PHACTR2: variants seen among roughly 807,000 people sequenced by gnomAD.
PHACTR2 encodes the protein chromosome 6 open reading frame 56.
Under a neutral mutation model 76.0 loss-of-function variants are expected in PHACTR2, and 30 were observed. The ratio of observed to expected loss-of-function variants is 0.39; its 90% confidence interval spans 0.30 to 0.54. PHACTR2 has a LOEUF of 0.54. Ranked by LOEUF, PHACTR2 falls within the 20% of genes least tolerant of loss-of-function variation. The probability of loss-of-function intolerance (pLI) is 0.61; values close to 1 mark genes in which losing one functional copy is unlikely to be tolerated. For missense variants in PHACTR2, 696 were observed against 781.1 expected (o/e 0.89, Z 1.30); for synonymous variants, 292 against 292.5 (o/e 1.00, Z 0.02).
Position 143,760,334 on chromosome 6 carries a change from C to T in PHACTR2, c.455-67C>T. The T allele has an allele frequency of 1.4e-6, 2 of 1,447,776 alleles. No individual in the cohort carries two copies. Among genetic ancestry groups the T allele is most frequent in the Non-Finnish European group, 1.9e-6 (2 of 1,059,006 alleles). The allele number at this position is 1,447,776 out of a possible 1,614,324, so 89.7% of individuals were successfully genotyped here. A position where few individuals can be genotyped will look rare whatever the true frequency, so the allele number is the denominator to read the frequency against. On this transcript the variant is annotated intron_variant, in intron 4 of 12. Coordinates refer to ENST00000440869, the MANE Select transcript of PHACTR2 (RefSeq NM_001100164.2). The surrounding 1 kb of genome is among the most constrained non-coding windows in gnomAD (Gnocchi z 6.4). ...ACGCTTTGTGTCACTATCGTCATGT[C>T]TTGCTCCTTGTGTTTATATGGTGTG...
intron 11 of PHACTR2, among the ~76,000 whole-genome samples, chr6:143,790,954 G>A (rs1028774572): frequency 5.9e-5 from 9 of 152,184 alleles, no homozygotes; most frequent in African/African-American, 2.2e-4. Context: ...TGGGATTACA[G>A]GCGTGAGCCA....
chr6:143,778,563 A>C (rs1472945465), intron 9 of PHACTR2, among the ~76,000 whole-genome samples: 1 of 152,070 alleles, frequency 6.6e-6, no homozygotes, highest in Non-Finnish European at 1.5e-5. Context: ...AGGAGGAAAA[A>C]TTCACGGCTA....
chr6:143,756,529 A>G (rs564516504), intron 4 of PHACTR2, among the ~76,000 whole-genome samples: 2,020 of 151,194 alleles, frequency 0.013, 24 homozygotes, highest in Admixed American at 0.021. Flanking sequence ...CCCCGTCTCT[A>G]CTAAAAATAC....
intron 1 of PHACTR2, among the ~76,000 whole-genome samples, chr6:143,667,847 G>A (rs1051366890): frequency 1.3e-5 from 2 of 152,126 alleles, no homozygotes; most frequent in Non-Finnish European, 2.9e-5. Flanking sequence ...TTGACTTCCT[G>A]TCTTCCTATT....
At chr6:143,673,924 C>A (rs1777198707), upstream of PHACTR2, among the ~76,000 whole-genome samples, 1 of 151,958 alleles carries the variant, frequency 6.6e-6, no homozygotes, top group Admixed American at 6.5e-5. Flanking sequence ...AATATGAGAA[C>A]AATAGGAAAG....
intron 1 of PHACTR2, among the ~76,000 whole-genome samples, chr6:143,628,031 G>A (rs1382686305): frequency 1.3e-5 from 2 of 152,082 alleles, no homozygotes; most frequent in Non-Finnish European, 2.9e-5. Context: ...CTTATAAATG[G>A]AATCATAAAA....
intron 2 of PHACTR2, among the ~76,000 whole-genome samples, chr6:143,737,073 A>G (rs1292246854): frequency 6.6e-6 from 1 of 151,780 alleles, no homozygotes; most frequent in Non-Finnish European, 1.5e-5. Context: ...ATTCTATTAT[A>G]TAGAGTCTAT....
chr6:143,681,564 T>C (rs1041882692), intron 1 of PHACTR2, among the ~76,000 whole-genome samples: 4 of 152,116 alleles, frequency 2.6e-5, no homozygotes, highest in Non-Finnish European at 4.4e-5. Context: ...GTAGAGTGAT[T>C]TGCAGCTCAG....
intron 1 of PHACTR2, among the ~76,000 whole-genome samples, chr6:143,560,265 T>C (rs1437964196): frequency 6.6e-6 from 1 of 152,258 alleles, no homozygotes; most frequent in African/African-American, 2.4e-5. Context: ...AAGTGTCTTG[T>C]AGAATTTCTG....
intron 2 of PHACTR2, among the ~76,000 whole-genome samples, chr6:143,712,620 A>G (rs1778203101): frequency 6.6e-6 from 1 of 151,976 alleles, no homozygotes; most frequent in Admixed American, 6.6e-5. Flanking sequence ...TATACACATA[A>G]CGTAATGTTA....
intron 2 of PHACTR2, among the ~76,000 whole-genome samples, chr6:143,734,427 A>ATAG (rs1181964520): frequency 6.6e-6 from 1 of 152,218 alleles, no homozygotes; most frequent in Non-Finnish European, 1.5e-5. Flanking sequence ...GGGTTGCACC[A>ATAG]TAGACCTGAC....
rs1480677358 is a variant in PHACTR2 at position 143,738,877 on chromosome 6, T to A, written c.215-10108T>A. 1.3e-5 allele frequency among the ~76,000 whole-genome samples: 2 copies of A among 152,210 alleles called. No individual in the cohort carries two copies. Among genetic ancestry groups the A allele is most frequent in the African/African-American group, 2.4e-5 (1 of 41,470 alleles). On this transcript the variant is annotated intron_variant, in intron 2 of 12. Coordinates refer to ENST00000440869, the MANE Select transcript of PHACTR2 (RefSeq NM_001100164.2). The surrounding 1 kb of genome is among the most constrained non-coding windows in gnomAD (Gnocchi z 4.0). ...TCTTGCTTGCTGTTGACTGATGAAATGAGATATTATCCCATCTTGATCAAA... is the reference window on the plus strand; with the variant it reads ...TCTTGCTTGCTGTTGACTGATGAAAAGAGATATTATCCCATCTTGATCAAA...
At position 143,787,988 on chromosome 6, in the gene PHACTR2, G is replaced by A. The variant is rs544206753; in HGVS notation, c.1708-785G>A. 2.1e-4 allele frequency among the ~76,000 whole-genome samples: 32 copies of A among 152,286 alleles called. No individual in the cohort carries two copies. The highest frequency in any genetic ancestry group is 3.4e-3 in the Middle Eastern group (1 of 294). On this transcript the variant is annotated intron_variant, in intron 10 of 12. Coordinates refer to ENST00000440869, the MANE Select transcript of PHACTR2 (RefSeq NM_001100164.2). The surrounding 1 kb of genome is among the most constrained non-coding windows in gnomAD (Gnocchi z 4.6). ...GTAGATAATGCCTGTTTACCAAGGGGCCAGCTTTCTTTCACCTGTCAGAGT... is the reference window on the plus strand; with the variant it reads ...GTAGATAATGCCTGTTTACCAAGGGACCAGCTTTCTTTCACCTGTCAGAGT...
Position 143,710,647 on chromosome 6 carries a change from A to G in PHACTR2, c.47-1369A>G, listed in dbSNP as rs771960589. Among the ~76,000 whole-genome samples, 3 of 152,200 alleles carry G rather than the reference A, an allele frequency of 2.0e-5. No individual in the cohort carries two copies. Among genetic ancestry groups the G allele is most frequent in the Non-Finnish European group, 4.4e-5 (3 of 68,042 alleles). ...AGGAGGCGGTGGTTGCAGTGAGCTG[A>G]GATCGCGCCACTGCACTCCAGCCTG... On this transcript the variant is annotated intron_variant, in intron 1 of 12. Coordinates refer to ENST00000440869, the MANE Select transcript of PHACTR2 (RefSeq NM_001100164.2). This position sits in a 1 kb window ranked among gnomAD's most constrained non-coding sequence, Gnocchi z 4.9.
At position 143,647,714 on chromosome 6, in the gene PHACTR2, A is replaced by G. The variant is rs2128445393; in HGVS notation, c.13+39392A>G. 6.6e-6 allele frequency among the ~76,000 whole-genome samples: 1 copy of G among 152,324 alleles called. No homozygotes were observed. Among genetic ancestry groups the G allele is most frequent in the African/African-American group, 2.4e-5 (1 of 41,572 alleles). ...TGAGGGAGGAGGAAACCTTGCAGAT[A>G]TCTTGGGAGAAGAGCACCTGTACAG... On this transcript the variant is annotated intron_variant, in intron 1 of 11. Coordinates refer to the PHACTR2 transcript ENST00000305766. This position sits in a 1 kb window ranked among gnomAD's most constrained non-coding sequence, Gnocchi z 4.2.
rs186183307 is a variant in PHACTR2, at chr6:143,721,748, C to G, written c.214+9565C>G. On this transcript the variant is annotated intron_variant, in intron 2 of 12. Coordinates refer to ENST00000440869, the MANE Select transcript of PHACTR2 (RefSeq NM_001100164.2). ...GTTTGTTCATCCCTTTATCTATTGT[C>G]AGTTTCAGAGTTTCTCACCACAGGA... Among the ~76,000 whole-genome samples, 192 of 152,084 alleles carry G rather than the reference C, an allele frequency of 1.3e-3. 1 individual carries two copies. Among genetic ancestry groups the G allele is most frequent in the African/African-American group, 3.8e-3 (159 of 41,488 alleles).
At chr6:143,555,682 T>G (rs1775163820) in intron 1 of PHACTR2, among the ~76,000 whole-genome samples, 1 of 152,220 alleles carries the variant, frequency 6.6e-6, no homozygotes, top group Non-Finnish European at 1.5e-5. Flanking sequence ...CCACCCTAGA[T>G]GATTATGGTG....
chr6:143,641,621 C>T lies in PHACTR2; in HGVS notation c.13+33299C>T, dbSNP rs1249519590. Among the ~76,000 whole-genome samples, 1 of 152,172 alleles carries T rather than the reference C, an allele frequency of 6.6e-6. No homozygotes were observed. The highest frequency in any genetic ancestry group is 1.5e-5 in the Non-Finnish European group (1 of 68,040). ...TCCCAGGTTCAAGCGATTCTCCTGC[C>T]TCAGCCTCCTGAGTAGCTGGGATTA... On this transcript the variant is annotated intron_variant, in intron 1 of 11. Transcript: ENST00000305766. This position sits in a 1 kb window ranked among gnomAD's most constrained non-coding sequence, Gnocchi z 5.8.
Position 143,623,161 on chromosome 6 carries a change from A to G in PHACTR2, c.13+14839A>G, listed in dbSNP as rs912150024. Among the ~76,000 whole-genome samples, 16 of 151,850 alleles carry G rather than the reference A, an allele frequency of 1.1e-4. No homozygotes were observed. Among genetic ancestry groups the G allele is most frequent in the Non-Finnish European group, 2.2e-4 (15 of 67,972 alleles). On this transcript the variant is annotated intron_variant, in intron 1 of 11. Transcript: ENST00000305766. This position sits in a 1 kb window ranked among gnomAD's most constrained non-coding sequence, Gnocchi z 5.9. ...AGCATATTTTTAGACATGATTTAGTATATGTATTTTAAACTAAATTAATAA... is the reference window on the plus strand; with the variant it reads ...AGCATATTTTTAGACATGATTTAGTGTATGTATTTTAAACTAAATTAATAA...
Sources: gnomAD v4.1 joint callset for allele counts (sites outside exome capture counted in the v4.1 genomes callset) on GRCh38, gnomAD v4.1.1 for gene constraint, Gnocchi (gnomAD v3.1) non-coding constraint, MANE v1.5 for transcripts, NCBI Gene and HGNC (gene_info 2026-07-23, HGNC 2026-07-21) for gene names.